SYNE3: variants seen among roughly 807,000 people sequenced by gnomAD.
The protein encoded by SYNE3 is spectrin repeat containing nuclear envelope family member 3.
In SYNE3, 100 loss-of-function variants were observed where a neutral mutation model predicts 111.2. That is an observed-to-expected ratio of 0.90 (90% CI 0.77 to 1.06). The LOEUF (loss-of-function observed/expected upper bound fraction) is 1.06. Among genes scored for constraint, SYNE3 ranks in the 50% least tolerant of loss-of-function variants. SYNE3 has a pLI of 0.00. For missense variants in SYNE3, 1,160 were observed against 1,240.3 expected (o/e 0.94, Z 0.97); for synonymous variants, 547 against 533.9 (o/e 1.02, Z -0.34).
intron 14 of SYNE3, 159 bp downstream of exon 14, chr14:95,438,874 G>T: frequency 2.0e-6 from 2 of 1,006,648 alleles, no homozygotes; most frequent in Non-Finnish European, 2.9e-6. Flanking sequence ...AATGCTCTTT[G>T]GCCACAGCTG....
chr14:95,458,286 A>G (rs1211606582), intron 4 of SYNE3, among the ~76,000 whole-genome samples: 1 of 151,962 alleles, frequency 6.6e-6, no homozygotes, highest in Non-Finnish European at 1.5e-5. Flanking sequence ...AGCAGTCAAG[A>G]CCCTGGGGTT....
At chr14:95,460,288 T>C (rs1281710478) in intron 4 of SYNE3, among the ~76,000 whole-genome samples, 1 of 150,502 alleles carries the variant, frequency 6.6e-6, no homozygotes, top group Non-Finnish European at 1.5e-5. Context: ...CACTGTAACC[T>C]CTGCCTCCTG....
intron 1 of SYNE3, among the ~76,000 whole-genome samples, chr14:95,495,509 G>A (rs1002401357): frequency 6.6e-5 from 10 of 152,176 alleles, no homozygotes; most frequent in African/African-American, 2.4e-4. Context: ...GTTCCCATGG[G>A]TGAGGCCTGC....
At chr14:95,514,834 G>C (rs1890856020) in intron 1 of SYNE3, among the ~76,000 whole-genome samples, 2 of 152,222 alleles carry the variant, frequency 1.3e-5, no homozygotes, top group African/African-American at 4.8e-5. Flanking sequence ...GGCCTGCCCA[G>C]TCTTGCCTCC....
intron 13 of SYNE3, 84 bp downstream of exon 13, chr14:95,439,528 C>T: frequency 1.9e-6 from 3 of 1,563,518 alleles, no homozygotes; most frequent in South Asian, 2.2e-5. Context: ...CACCCTGGCC[C>T]TCTGCTCCAC....
At chr14:95,479,282 G>A (rs10145116) in intron 1 of SYNE3, among the ~76,000 whole-genome samples, 15,467 of 149,552 alleles carry the variant, frequency 0.1, 1,905 homozygotes, top group African/African-American at 0.29. Context: ...ACTTGAGTCC[G>A]GAAGGTCCAG....
chr14:95,445,820 G>A, intron 9 of SYNE3, 89 bp downstream of exon 9: 2 of 1,443,644 alleles, frequency 1.4e-6, no homozygotes, highest in Non-Finnish European at 1.9e-6. Flanking sequence ...GCAGAGCTGA[G>A]TTTAGAACAT....
intron 1 of SYNE3, among the ~76,000 whole-genome samples, chr14:95,510,186 T>A (rs1488077828): frequency 6.6e-6 from 1 of 152,166 alleles, no homozygotes; most frequent in African/African-American, 2.4e-5. Context: ...AGGTCCTTAC[T>A]AAGCCCTGCC....
rs893374860 is a variant in SYNE3 at position 95,416,658 on chromosome 14, A to T, written c.*1168T>A. 1 of 152,258 alleles carries T rather than the reference A, an allele frequency of 6.6e-6. No individual in the cohort carries two copies. Among genetic ancestry groups the T allele is most frequent in the Non-Finnish European group, 1.5e-5 (1 of 68,082 alleles). 9.4% of individuals were successfully genotyped at this position (152,258 alleles called of 1,614,324 possible). On this transcript the variant is annotated 3_prime_UTR_variant, in exon 18 of 18. Coordinates refer to ENST00000682763, the MANE Select transcript of SYNE3 (RefSeq NM_152592.6). ...TGGGTGGCCTGGGCCCTAGTCCCAT[A>T]TGGGGATGCACATGAGACCTTCTTG...
chr14:95,443,314 G>A (rs200784170), intron 10 of SYNE3, 25 bp from the exon 11 acceptor site: 5 of 1,613,646 alleles, frequency 3.1e-6, no homozygotes, highest in African/African-American at 1.3e-5. Context: ...GGAACAGGTA[G>A]GCTAATCTTC....
intron 1 of SYNE3, among the ~76,000 whole-genome samples, chr14:95,498,823 C>G (rs895893089): frequency 1.3e-5 from 2 of 151,982 alleles, no homozygotes; most frequent in Non-Finnish European, 2.9e-5. Flanking sequence ...CCTCTCAGTC[C>G]CCCCCAGGCT....
rs555598757 is a variant in SYNE3, at chr14:95,436,952, G to T, written c.2406C>A (p.Ser802Arg). The T allele has an allele frequency of 3.1e-6, 5 of 1,612,138 alleles. No homozygotes were observed. In the East Asian group the frequency reaches 6.7e-5, roughly 22 times the overall value. ...TCAGGAGCTGGGAGAAATCTTCATGGCTCCCTTCTTCTTCCTGTAGAAGAT... is the reference window on the plus strand; with the variant it reads ...TCAGGAGCTGGGAGAAATCTTCATGTCTCCCTTCTTCTTCCTGTAGAAGAT... ...RANLLQEEEG[S>R]HEDFSQLLRN... Residue 802 changes from serine to arginine, a missense_variant, in exon 15 of 18, where the codon AGC becomes AGA. Coordinates refer to ENST00000682763, the MANE Select transcript of SYNE3 (RefSeq NM_152592.6).
rs1903597996 is a variant in SYNE3, at chr14:95,416,879, G to A, written c.*947C>T. 1 of 152,290 alleles carries A rather than the reference G, an allele frequency of 6.6e-6. No individual in the cohort carries two copies. Among genetic ancestry groups the A allele is most frequent in the African/African-American group, 2.4e-5 (1 of 41,466 alleles). The allele number at this position is 152,290 out of a possible 1,614,324, so 9.4% of individuals were successfully genotyped here. Reference sequence around the variant, plus strand: ...GAAAACTCAGTCCAGGAGCAACAGAGGAAACACATCTTTCCTGGGCACTGC... The same window carrying A: ...GAAAACTCAGTCCAGGAGCAACAGAAGAAACACATCTTTCCTGGGCACTGC... On this transcript the variant is annotated 3_prime_UTR_variant, in exon 18 of 18. Transcript: ENST00000682763.
rs1475333802 is a variant in SYNE3 at position 95,433,224 on chromosome 14, C to T, written c.2688+36G>A. 8.1e-6 allele frequency: 13 copies of T among 1,606,026 alleles called. No homozygotes were observed. The East Asian group carries it at 2.7e-4, about 33-fold the overall frequency. On this transcript the variant is annotated intron_variant, in intron 16 of 17. Transcript: ENST00000682763. ...AATACGGCCCAGCTATAGTCCTGTC[C>T]CTGGAATCTGGGACCTGCACATCCT...
intron 1 of SYNE3, among the ~76,000 whole-genome samples, chr14:95,487,368 G>A (rs368983792): frequency 6.6e-6 from 1 of 152,124 alleles, no homozygotes; most frequent in African/African-American, 2.4e-5. Context: ...CCAAGGATTG[G>A]GGAGGCCTGG....
At chr14:95,483,281 C>T (rs1392186101) in intron 1 of SYNE3, among the ~76,000 whole-genome samples, 1 of 152,210 alleles carries the variant, frequency 6.6e-6, no homozygotes, top group African/African-American at 2.4e-5. Context: ...CGATTACAGC[C>T]TGGTGCCCCT....
intron 17 of SYNE3, among the ~76,000 whole-genome samples, chr14:95,423,353 C>T (rs1057244538): frequency 5.3e-5 from 8 of 152,214 alleles, no homozygotes; most frequent in Non-Finnish European, 1.0e-4. Flanking sequence ...CTGCACCTTT[C>T]CTTATCTGCC....
At chr14:95,512,415 A>C (rs1222930384) in intron 1 of SYNE3, among the ~76,000 whole-genome samples, 2 of 152,312 alleles carry the variant, frequency 1.3e-5, no homozygotes, top group East Asian at 1.9e-4. Context: ...TTAGCCAGGC[A>C]TGGTGGCACA....
At chr14:95,482,128 A>G (rs1889296977) in intron 1 of SYNE3, among the ~76,000 whole-genome samples, 1 of 152,186 alleles carries the variant, frequency 6.6e-6, no homozygotes, top group Non-Finnish European at 1.5e-5. Context: ...CAACACCCTA[A>G]CAGCAGTTTT....
Sources: allele counts gnomAD v4.1 joint callset (sites outside exome capture counted in the v4.1 genomes callset), GRCh38; gene constraint gnomAD v4.1.1; transcripts MANE v1.5; gene names NCBI Gene and HGNC (gene_info 2026-07-23, HGNC 2026-07-21).